TRIM45: variants seen among roughly 807,000 people sequenced by gnomAD.
TRIM45 encodes the protein tripartite motif containing 45, also known as E3 ubiquitin-protein ligase TRIM45.
A neutral mutation model predicts 46.7 loss-of-function variants in TRIM45; 45 were observed. The observed-to-expected ratio is 0.96, with a 90% confidence interval of 0.76 to 1.24. The LOEUF (loss-of-function observed/expected upper bound fraction) is 1.24, where lower values mean the gene tolerates loss of function less well. Among genes scored for constraint, TRIM45 ranks in the 50% most tolerant of loss-of-function variants. TRIM45 has a pLI of 0.00. For missense variants in TRIM45, 680 were observed against 728.4 expected (o/e 0.93, Z 0.77); for synonymous variants, 259 against 285.8 (o/e 0.91, Z 0.94).
Position 117,120,708 on chromosome 1 carries a change from C to G in TRIM45, c.488+6G>C. ...AGCTACACCTGATGGAGTGTCCCATCTTTACCTATGAGCCTGGCAGCAGAA... is the reference window on the plus strand; with the variant it reads ...AGCTACACCTGATGGAGTGTCCCATGTTTACCTATGAGCCTGGCAGCAGAA... On this transcript the variant is annotated splice_donor_region_variant and intron_variant, in intron 1 of 5. Coordinates refer to ENST00000256649, the MANE Select transcript of TRIM45 (RefSeq NM_025188.4). 6.3e-7 allele frequency: 1 copy of G among 1,596,782 alleles called. No homozygotes were observed. The highest frequency in any genetic ancestry group is 8.5e-7 in the Non-Finnish European group (1 of 1,170,512).
chr1:117,112,891 A>G (rs1484466657), intron 5 of TRIM45, among the ~76,000 whole-genome samples: 2 of 151,772 alleles, frequency 1.3e-5, no homozygotes, highest in Non-Finnish European at 2.9e-5. Context: ...GGACACAATA[A>G]TTTTTTTTTA....
chr1:117,115,585 T>C lies in TRIM45; in HGVS notation c.1457A>G (p.Gln486Arg). The change falls in exon 4 of 6, where the codon CAG becomes CGG. Residue 486 changes from glutamine (Q) to arginine (R), a missense_variant. By Grantham distance (43) the Gln-to-Arg change is conservative (BLOSUM62 1). Around this residue, in one of 3 missense-constraint regions of TRIM45, gnomAD observed 322 missense variants for 359.3 expected, o/e 0.90. Transcript: ENST00000256649. The surrounding 1 kb of genome is among the most constrained non-coding windows in gnomAD (Gnocchi z 4.2). ...VYTVWVCIKE[Q>R]HVQGSPFTVM... ...GTGCACCAGTCTTACCTGCACATGC[T>C]GTTCTTTGATGCAGACCCACACAGT... The C allele has an allele frequency of 6.2e-7, 1 of 1,613,784 alleles. No homozygotes were observed. Among genetic ancestry groups the C allele is most frequent in the Non-Finnish European group, 8.5e-7 (1 of 1,179,642 alleles).
rs374448001 is a variant in TRIM45 at position 117,121,522 on chromosome 1, C to T, written c.-321G>A. 1,005 of 541,716 alleles carry T rather than the reference C, an allele frequency of 1.9e-3. 7 individuals are homozygous for T. The highest frequency in any genetic ancestry group is 0.013 in the Middle Eastern group (26 of 2,068). The allele number at this position is 541,716 out of a possible 1,614,324, so 33.6% of individuals were successfully genotyped here. A position where few individuals can be genotyped will look rare whatever the true frequency, so the allele number is the denominator to read the frequency against. ...TAGTCCTGCTGCCAACAAAGTCACC[C>T]CTGCACCTCTCGCTCCCTCCACTGC... is the stretch of plus-strand genomic sequence containing the variant. On this transcript the variant is annotated 5_prime_UTR_variant, in exon 1 of 6. Transcript: ENST00000256649. The surrounding 1 kb of genome is among the most constrained non-coding windows in gnomAD (Gnocchi z 4.2).
At position 117,119,295 on chromosome 1, in the gene TRIM45, TCGTCAACATCATTAGAAAG is replaced by T. The variant is rs201211196; in HGVS notation, c.489-547_489-529del. On this transcript the variant is annotated intron_variant, in intron 1 of 5. Transcript: ENST00000256649. ...AGGCTAGAATTTTTTTCAAGAGACA[TCGTCAACATCATTAGAAAG>T]CGTGAAACCGGCCGGGCGCGGTGGC... Among the ~76,000 whole-genome samples, 79 of 152,300 alleles carry T rather than the reference TCGTCAACATCATTAGAAAG, an allele frequency of 5.2e-4. 1 individual carries two copies. In the East Asian group the frequency reaches 0.014, roughly 27 times the overall value.
At position 117,116,862 on chromosome 1, in the gene TRIM45, C is replaced by T. The variant is rs1650423567; in HGVS notation, c.1223-117G>A. 1 of 1,406,390 alleles carries T rather than the reference C, an allele frequency of 7.1e-7. No homozygotes were observed. The allele number at this position is 1,406,390 out of a possible 1,614,324, so 87.1% of individuals were successfully genotyped here. On this transcript the variant is annotated intron_variant, in intron 2 of 5. Coordinates refer to ENST00000256649, the MANE Select transcript of TRIM45 (RefSeq NM_025188.4). This position sits in a 1 kb window ranked among gnomAD's most constrained non-coding sequence, Gnocchi z 4.6. Reference sequence around the variant, plus strand: ...TACTTTACTGTAACCACCCTGGGTCCCTTTGTTTTCTCTTCCCCTTCTGCC... The same window carrying T: ...TACTTTACTGTAACCACCCTGGGTCTCTTTGTTTTCTCTTCCCCTTCTGCC...
rs1188342652 is a variant in TRIM45 at position 117,112,389 on chromosome 1, A to T, written c.1659T>A (p.Cys553Ter). The change falls in exon 6 of 6, where the codon TGT becomes TGA. Residue 553 changes from cysteine to a stop codon, truncating the protein, a stop_gained. Transcript: ENST00000256649. LOFTEE classifies it high-confidence loss of function. ...GHPGHPHWSCCGKFNEKSECT... is the reference protein window; with the variant it reads ...GHPGHPHWSC ...ATTCAGATTTCTCATTAAATTTTCC[A>T]CAGCATGACCAGTGGGGATGACCTG... 1.2e-6 allele frequency: 2 copies of T among 1,613,940 alleles called. No individual in the cohort carries two copies. Among genetic ancestry groups the T allele is most frequent in the African/African-American group, 2.7e-5 (2 of 74,896 alleles).
rs771433577 is a variant in TRIM45, at chr1:117,118,138, C to T, written c.1118G>A (p.Arg373His). ...STRPGVNDKIRFCPQEKAGQC... is the reference protein window; with the variant it reads ...STRPGVNDKIHFCPQEKAGQC... Reference sequence around the variant, plus strand: ...GCCTGCTTTCTCCTGAGGACAGAAGCGTATCTTATCATTTACTCCAGGACG... The same window carrying T: ...GCCTGCTTTCTCCTGAGGACAGAAGTGTATCTTATCATTTACTCCAGGACG... Residue 373 changes from arginine to histidine, a missense_variant, in exon 2 of 6, where the codon CGC becomes CAC. Physicochemically the swap from Arg to His is conservative, Grantham distance 29. Around this residue, in one of 3 missense-constraint regions of TRIM45, gnomAD observed 322 missense variants for 359.3 expected, o/e 0.90. Transcript: ENST00000256649. This position sits in a 1 kb window ranked among gnomAD's most constrained non-coding sequence, Gnocchi z 5.7. 6.2e-7 allele frequency: 1 copy of T among 1,614,194 alleles called. No individual in the cohort carries two copies. Among genetic ancestry groups the T allele is most frequent in the Non-Finnish European group, 8.5e-7 (1 of 1,180,038 alleles).
At position 117,111,065 on chromosome 1, in the gene TRIM45, T is replaced by C. The variant is rs1007129551; in HGVS notation, c.*1240A>G. On this transcript the variant is annotated 3_prime_UTR_variant, in exon 6 of 6. Coordinates refer to ENST00000256649, the MANE Select transcript of TRIM45 (RefSeq NM_025188.4). ...TACAATGCAGATTTCAATAATTATA[T>C]TTAATACATGCTGAGTTTATTGCCA... The C allele has an allele frequency of 1.2e-4, 18 of 152,214 alleles. No individual in the cohort carries two copies. 9.4% of individuals were successfully genotyped at this position (152,214 alleles called of 1,614,324 possible).
upstream of TRIM45, chr1:117,122,381 C>CG (rs1222015152): frequency 1.3e-5 from 2 of 152,288 alleles, no homozygotes; most frequent in African/African-American, 4.8e-5. Context: ...GGGTATTTTT[C>CG]GGGGGTGAGG....
upstream of TRIM45, among the ~76,000 whole-genome samples, chr1:117,122,967 A>T (rs946515827): frequency 7.3e-5 from 11 of 151,626 alleles, no homozygotes; most frequent in Non-Finnish European, 7.4e-5. Context: ...TATCTGTTTC[A>T]TGCTATAGGC....
rs1287167241 is a variant in TRIM45, at chr1:117,113,106, C to T, written c.1594+253G>A. On this transcript the variant is annotated intron_variant, in intron 5 of 5. Transcript: ENST00000256649. The surrounding 1 kb of genome is among the most constrained non-coding windows in gnomAD (Gnocchi z 4.0). ...AGGGACAGACAAACTGAGAATCCTA[C>T]ATAGAAGCACAGGGCTCATAGGAGC... 6.6e-6 allele frequency among the ~76,000 whole-genome samples: 1 copy of T among 152,226 alleles called. No homozygotes were observed. Among genetic ancestry groups the T allele is most frequent in the African/African-American group, 2.4e-5 (1 of 41,466 alleles).
In TRIM45 at chr1:117,116,478, A is replaced by G. The variant is rs1252147257; in HGVS notation, c.1352+138T>C. On this transcript the variant is annotated intron_variant, in intron 3 of 5. Transcript: ENST00000256649. The surrounding 1 kb of genome is among the most constrained non-coding windows in gnomAD (Gnocchi z 4.6). ...GGTCTTGAACTCTTGGGCTTAAGCGATCCTCCTGCCTCCACTTCCCAAAGT... is the reference window on the plus strand; with the variant it reads ...GGTCTTGAACTCTTGGGCTTAAGCGGTCCTCCTGCCTCCACTTCCCAAAGT... 1 of 1,184,820 alleles carries G rather than the reference A, an allele frequency of 8.4e-7. No homozygotes were observed. The allele number at this position is 1,184,820 out of a possible 1,614,324, so 73.4% of individuals were successfully genotyped here. A position where few individuals can be genotyped will look rare whatever the true frequency, so the allele number is the denominator to read the frequency against.
At chr1:117,121,918 G>A, upstream of TRIM45, 1 of 704,824 alleles carries the variant, frequency 1.4e-6, no homozygotes, top group Non-Finnish European at 2.6e-6. The surrounding 1 kb of genome is among the most constrained non-coding windows in gnomAD (Gnocchi z 4.2). Flanking sequence ...GCGGGGGGCG[G>A]GACCTGACAA....
At position 117,115,491 on chromosome 1, in the gene TRIM45, T is replaced by C; in HGVS notation, c.1467+84A>G. 1 of 980,210 alleles carries C rather than the reference T, an allele frequency of 1.0e-6. No homozygotes were observed. The highest frequency in any genetic ancestry group is 1.6e-6 in the Non-Finnish European group (1 of 613,276). The allele number at this position is 980,210 out of a possible 1,614,324, so 60.7% of individuals were successfully genotyped here. ...ATGGGGATTCTATTCAATCTCTCTG[T>C]ATAGCTGATCCTATGTGAAATGTCT... On this transcript the variant is annotated intron_variant, in intron 4 of 5. Coordinates refer to ENST00000256649, the MANE Select transcript of TRIM45 (RefSeq NM_025188.4). The surrounding 1 kb of genome is among the most constrained non-coding windows in gnomAD (Gnocchi z 4.2).
At position 117,121,140 on chromosome 1, in the gene TRIM45, A is replaced by C. The variant is rs986655843; in HGVS notation, c.62T>G (p.Leu21Arg). 2 of 1,606,376 alleles carry C rather than the reference A, an allele frequency of 1.2e-6. No homozygotes were observed. The highest frequency in any genetic ancestry group is 3.4e-5 in the Admixed American group (2 of 58,510). ...GCAGTGAGTCTTGCCTGAGTTCCCA[A>C]GTGCAGTCCCACTAGTGAGTTTGCT... ...FVSKLTSGTA[L>R]GNSGKTHCPL... is the part of the protein sequence containing the mutation. Residue 21 changes from leucine (L) to arginine (R), a missense_variant, in exon 1 of 6, where the codon CTT becomes CGT. Physicochemically the swap from Leu to Arg is moderately radical, Grantham distance 102. This residue lies in a region of TRIM45 where 349 missense variants were observed against 343.6 expected (regional missense o/e 1.02). Coordinates refer to ENST00000256649, the MANE Select transcript of TRIM45 (RefSeq NM_025188.4). This position sits in a 1 kb window ranked among gnomAD's most constrained non-coding sequence, Gnocchi z 4.2.
At position 117,121,110 on chromosome 1, in the gene TRIM45, A is replaced by G. The variant is rs775512489; in HGVS notation, c.92T>C (p.Leu31Pro). Residue 31 changes from leucine (L) to proline (P), a missense_variant, in exon 1 of 6, where the codon CTG becomes CCG. Around this residue, in one of 3 missense-constraint regions of TRIM45, gnomAD observed 349 missense variants for 343.6 expected, o/e 1.02. Coordinates refer to ENST00000256649, the MANE Select transcript of TRIM45 (RefSeq NM_025188.4). This position sits in a 1 kb window ranked among gnomAD's most constrained non-coding sequence, Gnocchi z 4.2. Reference sequence around the variant, plus strand: ...GGGGGCTTTGAAAAGCCCCAAGCACAGGGGGCAGTGAGTCTTGCCTGAGTT... The same window carrying G: ...GGGGGCTTTGAAAAGCCCCAAGCACGGGGGGCAGTGAGTCTTGCCTGAGTT... ...LGNSGKTHCP[L>P]CLGLFKAPRL... is the part of the protein sequence containing the mutation. 5 of 1,613,638 alleles carry G rather than the reference A, an allele frequency of 3.1e-6. No individual in the cohort carries two copies. Among genetic ancestry groups the G allele is most frequent in the Middle Eastern group, 1.7e-4 (1 of 6,050 alleles).
chr1:117,121,377 A>G lies in TRIM45; in HGVS notation c.-176T>C. The G allele has an allele frequency of 1.4e-6, 1 of 700,068 alleles. No individual in the cohort carries two copies. The highest frequency in any genetic ancestry group is 2.2e-5 in the South Asian group (1 of 45,790). The allele number at this position is 700,068 out of a possible 1,614,324, so 43.4% of individuals were successfully genotyped here. A position where few individuals can be genotyped will look rare whatever the true frequency, so the allele number is the denominator to read the frequency against. ...AAGACGAGGCGTCCTCGAAGGAATC[A>G]CCCACAGATCTACTCAGGAGGGCCC... On this transcript the variant is annotated 5_prime_UTR_variant, in exon 1 of 6. Coordinates refer to ENST00000256649, the MANE Select transcript of TRIM45 (RefSeq NM_025188.4). This position sits in a 1 kb window ranked among gnomAD's most constrained non-coding sequence, Gnocchi z 4.2.
chr1:117,113,356 T>TA lies in TRIM45; in HGVS notation c.1594+2dup, dbSNP rs1650289385. On this transcript the variant is annotated splice_region_variant and intron_variant, in intron 5 of 5. Coordinates refer to ENST00000256649, the MANE Select transcript of TRIM45 (RefSeq NM_025188.4). This position sits in a 1 kb window ranked among gnomAD's most constrained non-coding sequence, Gnocchi z 4.0. ...GGCCCAGAGGGTAGTGCTTTCTCCT[T>TA]ACCTGGCATGGTGCCTCCACAGGCG... is the stretch of plus-strand genomic sequence containing the variant. 1 of 1,612,002 alleles carries TA rather than the reference T, an allele frequency of 6.2e-7. No homozygotes were observed. Among genetic ancestry groups the TA allele is most frequent in the East Asian group, 2.2e-5 (1 of 44,880 alleles).
rs561422999 is a variant in TRIM45 at position 117,121,349 on chromosome 1, G to C, written c.-148C>G. ...CTCGCTGACAAATAAAAGGGCAGAC[G>C]GGAAGACGAGGCGTCCTCGAAGGAA... On this transcript the variant is annotated 5_prime_UTR_variant, in exon 1 of 6. Coordinates refer to ENST00000256649, the MANE Select transcript of TRIM45 (RefSeq NM_025188.4). This position sits in a 1 kb window ranked among gnomAD's most constrained non-coding sequence, Gnocchi z 4.2. The C allele has an allele frequency of 2.8e-5, 26 of 914,006 alleles. No individual in the cohort carries two copies. The highest frequency in any genetic ancestry group is 9.3e-5 in the South Asian group (5 of 53,686). The allele number at this position is 914,006 out of a possible 1,614,324, so 56.6% of individuals were successfully genotyped here. A position where few individuals can be genotyped will look rare whatever the true frequency, so the allele number is the denominator to read the frequency against.
Sources: allele counts gnomAD v4.1 joint callset (sites outside exome capture counted in the v4.1 genomes callset), GRCh38; gene constraint gnomAD v4.1.1; regional missense constraint gnomAD v4.1.1; non-coding constraint Gnocchi (gnomAD v3.1); transcripts MANE v1.5; gene names NCBI Gene and HGNC (gene_info 2026-07-23, HGNC 2026-07-21).